Variants in MLEC observed in about 807,000 individuals in gnomAD.
The protein encoded by MLEC is malectin.
MLEC carries 7 observed loss-of-function variants against 28.7 expected under a neutral mutation model. The ratio of observed to expected loss-of-function variants is 0.24; its 90% CI spans 0.14 to 0.46. MLEC has a LOEUF of 0.46. Ranked by LOEUF, MLEC falls within the 20% of genes least tolerant of loss-of-function variation. The probability of loss-of-function intolerance (pLI) is 0.99; values close to 1 mark genes in which losing one functional copy is unlikely to be tolerated. For missense variants in MLEC, 237 were observed against 391.1 expected (o/e 0.61, Z 3.32); for synonymous variants, 142 against 164.4 (o/e 0.86, Z 1.04).
rs1182036322 is a variant in MLEC at position 120,701,748 on chromosome 12, C to T, written c.*5203C>T. 2 of 152,756 alleles carry T rather than the reference C, an allele frequency of 1.3e-5. No homozygotes were observed. Among genetic ancestry groups the T allele is most frequent in the African/African-American group, 4.8e-5 (2 of 41,438 alleles). The allele number at this position is 152,756 out of a possible 1,614,324, so 9.5% of individuals were successfully genotyped here. ...AGCTGGCTTTCCTTCTGGGCTGTCT[C>T]CATCTGACCCTACCCCTTCCATGTC... is the stretch of plus-strand genomic sequence containing the variant. On this transcript the variant is annotated 3_prime_UTR_variant, in exon 5 of 5. Transcript: ENST00000228506. The surrounding 1 kb of genome is among the most constrained non-coding windows in gnomAD (Gnocchi z 4.0).
In MLEC at chr12:120,693,957, G is replaced by C. The variant is rs1483681697; in HGVS notation, c.236-134G>C. ...TTGTTGGAGCTCTGTTTGGAGCCAG[G>C]TGCAGAGTGGGTGGCCCCTTTTATG... On this transcript the variant is annotated intron_variant, in intron 1 of 4. Coordinates refer to ENST00000228506, the MANE Select transcript of MLEC (RefSeq NM_014730.4). The C allele has an allele frequency of 6.7e-5, 47 of 698,012 alleles. No homozygotes were observed. In the East Asian group the frequency reaches 1.3e-3, roughly 19 times the overall value. 43.2% of individuals were successfully genotyped at this position (698,012 alleles called of 1,614,324 possible).
rs75985699 is a variant in MLEC at position 120,696,165 on chromosome 12, T to C, written c.650-151T>C. 139 of 965,346 alleles carry C rather than the reference T, an allele frequency of 1.4e-4. No homozygotes were observed. Among genetic ancestry groups the C allele is most frequent in the Non-Finnish European group, 2.1e-4 (133 of 642,506 alleles). The allele number at this position is 965,346 out of a possible 1,614,324, so 59.8% of individuals were successfully genotyped here. ...GCTTTTGCAGCACTCTGCTGTTCTG[T>C]AGACCAGAGGCTATTTCTGCTACTT... On this transcript the variant is annotated intron_variant, in intron 4 of 4. Transcript: ENST00000228506. The surrounding 1 kb of genome is among the most constrained non-coding windows in gnomAD (Gnocchi z 5.4).
In MLEC at chr12:120,687,807, G is replaced by T. The variant is rs957985521; in HGVS notation, c.235+276G>T. Among the ~76,000 whole-genome samples, 3 of 152,202 alleles carry T rather than the reference G, an allele frequency of 2.0e-5. No homozygotes were observed. Among genetic ancestry groups the T allele is most frequent in the Admixed American group, 2.0e-4 (3 of 15,284 alleles). ...AACCCCTCACTCCCATCCAAGCTGG[G>T]AGAGAAATGACGAAGGCGGCCTTTT... On this transcript the variant is annotated intron_variant, in intron 1 of 4. Transcript: ENST00000228506. This position sits in a 1 kb window ranked among gnomAD's most constrained non-coding sequence, Gnocchi z 8.1.
rs1172471658 is a variant in MLEC, at chr12:120,687,878, TCTC to T, written c.235+350_235+352del. On this transcript the variant is annotated intron_variant, in intron 1 of 4. Coordinates refer to ENST00000228506, the MANE Select transcript of MLEC (RefSeq NM_014730.4). The surrounding 1 kb of genome is among the most constrained non-coding windows in gnomAD (Gnocchi z 8.1). ...GTTGTAGGTCATGGGTGCCCCTGCT[TCTC>T]CTGTCGAGACAGTTCTTGGGAGATT... is the stretch of plus-strand genomic sequence containing the variant. 3.9e-5 allele frequency among the ~76,000 whole-genome samples: 6 copies of T among 152,238 alleles called. No individual in the cohort carries two copies. The South Asian group carries it at 8.3e-4, about 21-fold the overall frequency.
Position 120,697,827 on chromosome 12 carries a change from A to G in MLEC, c.*1282A>G, listed in dbSNP as rs548202155. 6.6e-6 allele frequency: 1 copy of G among 152,282 alleles called. No homozygotes were observed. Among genetic ancestry groups the G allele is most frequent in the South Asian group, 2.1e-4 (1 of 4,824 alleles). 9.4% of individuals were successfully genotyped at this position (152,282 alleles called of 1,614,324 possible). On this transcript the variant is annotated 3_prime_UTR_variant, in exon 5 of 5. Transcript: ENST00000228506. The surrounding 1 kb of genome is among the most constrained non-coding windows in gnomAD (Gnocchi z 4.8). ...CTATATAGGCCCAGCGATGCTTCTT[A>G]TTGATCTTAATAGTATGCCCCTCCT...
rs1178373345 is a variant in MLEC at position 120,700,647 on chromosome 12, A to C, written c.*4102A>C. 1 of 152,220 alleles carries C rather than the reference A, an allele frequency of 6.6e-6. No individual in the cohort carries two copies. The highest frequency in any genetic ancestry group is 6.5e-5 in the Admixed American group (1 of 15,282). The allele number at this position is 152,220 out of a possible 1,614,324, so 9.4% of individuals were successfully genotyped here. On this transcript the variant is annotated 3_prime_UTR_variant, in exon 5 of 5. Transcript: ENST00000228506. This position sits in a 1 kb window ranked among gnomAD's most constrained non-coding sequence, Gnocchi z 4.0. ...TAATTAACGATCAAAGAGCTCTAAG[A>C]AAATTGCAAAGAAGCCTTAATGTTC... is the stretch of plus-strand genomic sequence containing the variant.
At position 120,699,816 on chromosome 12, in the gene MLEC, G is replaced by A. The variant is rs182417510; in HGVS notation, c.*3271G>A. On this transcript the variant is annotated 3_prime_UTR_variant, in exon 5 of 5. Transcript: ENST00000228506. ...TAAGAGCTACTGGGATCACGTTAGC[G>A]GGCATTTAGGCTTTGATGAGAGGGC... is the stretch of plus-strand genomic sequence containing the variant. The A allele has an allele frequency of 6.6e-4, 101 of 152,716 alleles. No individual in the cohort carries two copies. Among genetic ancestry groups the A allele is most frequent in the African/African-American group, 2.4e-3 (101 of 41,534 alleles). The allele number at this position is 152,716 out of a possible 1,614,324, so 9.5% of individuals were successfully genotyped here. A position where few individuals can be genotyped will look rare whatever the true frequency, so the allele number is the denominator to read the frequency against.
In MLEC at chr12:120,687,174, A is replaced by G. The variant is rs1592912884; in HGVS notation, c.-123A>G. The G allele has an allele frequency of 1.8e-6, 2 of 1,110,726 alleles. No homozygotes were observed. Among genetic ancestry groups the G allele is most frequent in the East Asian group, 6.6e-5 (2 of 30,282 alleles). The allele number at this position is 1,110,726 out of a possible 1,614,324, so 68.8% of individuals were successfully genotyped here. ...GTGGCTGAGAAGAAGGAGGCCTGAGAGCGACATGTCCCCGGCGGCTCAGGC... is the reference window on the plus strand; with the variant it reads ...GTGGCTGAGAAGAAGGAGGCCTGAGGGCGACATGTCCCCGGCGGCTCAGGC... On this transcript the variant is annotated 5_prime_UTR_variant, in exon 1 of 5. Coordinates refer to ENST00000228506, the MANE Select transcript of MLEC (RefSeq NM_014730.4). The surrounding 1 kb of genome is among the most constrained non-coding windows in gnomAD (Gnocchi z 8.1).
intron 1 of MLEC, 148 bp from the exon 2 acceptor site, chr12:120,693,943 C>G: frequency 1.6e-6 from 1 of 624,730 alleles, no homozygotes. Context: ...TGTTGGAGCT[C>G]TGTTTGGAGC....
Position 120,687,515 on chromosome 12 carries a change from A to G in MLEC, c.219A>G (p.Glu73=). 1 of 1,489,376 alleles carries G rather than the reference A, an allele frequency of 6.7e-7. No homozygotes were observed. The highest frequency in any genetic ancestry group is 8.9e-7 in the Non-Finnish European group (1 of 1,120,306). 92.3% of individuals were successfully genotyped at this position (1,489,376 alleles called of 1,614,324 possible). Residue 73 remains glutamate, a synonymous_variant, in exon 1 of 5, where the codon GAA becomes GAG. Transcript: ENST00000228506. The surrounding 1 kb of genome is among the most constrained non-coding windows in gnomAD (Gnocchi z 8.1). The part of the protein sequence containing the change: ...HGIHFRKDPL[E]GRVGRASDYG... ...TCCACTTCCGCAAGGACCCTTTGGAAGGCCGGGTGGGCCGAGGTGAGAGTC... is the reference window on the plus strand; with the variant it reads ...TCCACTTCCGCAAGGACCCTTTGGAGGGCCGGGTGGGCCGAGGTGAGAGTC...
chr12:120,694,060 G>C lies in MLEC; in HGVS notation c.236-31G>C. On this transcript the variant is annotated intron_variant, in intron 1 of 4. Coordinates refer to ENST00000228506, the MANE Select transcript of MLEC (RefSeq NM_014730.4). The surrounding 1 kb of genome is among the most constrained non-coding windows in gnomAD (Gnocchi z 4.5). ...TGCTTTTCTTTTGTGTCTTGCCTCTGATGTGCTTTCTCTTTGTCTTTTGTC... is the reference window on the plus strand; with the variant it reads ...TGCTTTTCTTTTGTGTCTTGCCTCTCATGTGCTTTCTCTTTGTCTTTTGTC... 1 of 1,598,154 alleles carries C rather than the reference G, an allele frequency of 6.3e-7. No individual in the cohort carries two copies. The highest frequency in any genetic ancestry group is 8.5e-7 in the Non-Finnish European group (1 of 1,170,026).
rs1238540958 is a variant in MLEC, at chr12:120,699,421, C to T, written c.*2876C>T. ...GAAACTTCTTTTGCCAGAAGTGTGG[C>T]CTGAGTTGAATTTCTGGGAGGATGA... is the stretch of plus-strand genomic sequence containing the variant. On this transcript the variant is annotated 3_prime_UTR_variant, in exon 5 of 5. Transcript: ENST00000228506. The T allele has an allele frequency of 1.3e-5, 2 of 152,212 alleles. No individual in the cohort carries two copies. The highest frequency in any genetic ancestry group is 4.8e-5 in the African/African-American group (2 of 41,408). The allele number at this position is 152,212 out of a possible 1,614,324, so 9.4% of individuals were successfully genotyped here. A position where few individuals can be genotyped will look rare whatever the true frequency, so the allele number is the denominator to read the frequency against.
At position 120,694,583 on chromosome 12, in the gene MLEC, T is replaced by C. The variant is rs572119907; in HGVS notation, c.415-241T>C. 1.4e-3 allele frequency among the ~76,000 whole-genome samples: 208 copies of C among 152,302 alleles called. 5 individuals carry two copies. The South Asian group carries it at 0.042, about 31-fold the overall frequency. ...CCCTTCCTGTGAATTTCCTTCTTCCTATGCTAAGCTTTTTGTTTGTATTCT... is the reference window on the plus strand; with the variant it reads ...CCCTTCCTGTGAATTTCCTTCTTCCCATGCTAAGCTTTTTGTTTGTATTCT... On this transcript the variant is annotated intron_variant, in intron 2 of 4. Transcript: ENST00000228506. This position sits in a 1 kb window ranked among gnomAD's most constrained non-coding sequence, Gnocchi z 4.5.
Position 120,696,251 on chromosome 12 carries a change from T to C in MLEC, c.650-65T>C. On this transcript the variant is annotated intron_variant, in intron 4 of 4. Coordinates refer to ENST00000228506, the MANE Select transcript of MLEC (RefSeq NM_014730.4). The surrounding 1 kb of genome is among the most constrained non-coding windows in gnomAD (Gnocchi z 5.4). ...AATCTCTTTATTGTGGCTTATTTGC[T>C]GCTTTTAAGGGTCTCTCTTACTTAA... The C allele has an allele frequency of 6.3e-7, 1 of 1,577,460 alleles. No homozygotes were observed. The highest frequency in any genetic ancestry group is 8.6e-7 in the Non-Finnish European group (1 of 1,162,756).
At chr12:120,695,407 T>C (rs1365867233) in intron 4 of MLEC, among the ~76,000 whole-genome samples, 4 of 152,202 alleles carry the variant, frequency 2.6e-5, no homozygotes, top group Non-Finnish European at 5.9e-5. Context: ...TCCCTATAAA[T>C]TGGGATTAAT....
Sources: allele counts gnomAD v4.1 joint callset (sites outside exome capture counted in the v4.1 genomes callset), GRCh38; gene constraint gnomAD v4.1.1; non-coding constraint Gnocchi (gnomAD v3.1); transcripts MANE v1.5; gene names NCBI Gene and HGNC (gene_info 2026-07-23, HGNC 2026-07-21).